The following AUTS2 variants were observed in gnomAD, a reference collection of about 807,000 sequenced individuals.
AUTS2 encodes autism susceptibility gene 2 protein.
AUTS2 carries 17 observed loss-of-function variants against 112.4 expected under a neutral mutation model. That is an observed-to-expected ratio of 0.15 (90% CI 0.10 to 0.23). AUTS2 has a LOEUF of 0.23. AUTS2 is among the 10% of genes least tolerant of loss of function. The probability of loss-of-function intolerance (pLI) is 1.00; values close to 1 mark genes in which losing one functional copy is unlikely to be tolerated. For missense variants in AUTS2, 1,510 were observed against 1,701.6 expected (o/e 0.89, Z 1.98); for synonymous variants, 751 against 702.7 (o/e 1.07, Z -1.09).
intron 4 of AUTS2, among the ~76,000 whole-genome samples, chr7:70,140,359 A>G (rs191269064): frequency 1.3e-5 from 2 of 152,336 alleles, no homozygotes; most frequent in Admixed American, 6.5e-5. Context: ...CATCTACATT[A>G]ACTACAGGTA....
At chr7:70,405,786 C>T (rs1585107692) in intron 4 of AUTS2, among the ~76,000 whole-genome samples, 1 of 152,178 alleles carries the variant, frequency 6.6e-6, no homozygotes, top group Non-Finnish European at 1.5e-5. Context: ...TGCCACATAC[C>T]CTTGCAATGT....
At chr7:69,699,518 G>A (rs970280800) in intron 1 of AUTS2, among the ~76,000 whole-genome samples, 4 of 151,664 alleles carry the variant, frequency 2.6e-5, no homozygotes, top group Admixed American at 6.6e-5. Context: ...GAGAGCTTCC[G>A]TATTCCTTTT....
chr7:70,679,358 T>C (rs1808088607), intron 5 of AUTS2, among the ~76,000 whole-genome samples: 1 of 152,216 alleles, frequency 6.6e-6, no homozygotes, highest in African/African-American at 2.4e-5. Context: ...GAGGTAGAAC[T>C]GGAGACAGCT....
intron 4 of AUTS2, among the ~76,000 whole-genome samples, chr7:70,299,133 A>G (rs1016658981): frequency 1.3e-5 from 2 of 152,236 alleles, no homozygotes; most frequent in African/African-American, 4.8e-5. Flanking sequence ...CTCTTTTCCA[A>G]ATAAAGATTG....
chr7:70,698,215 C>T (rs557399665), intron 5 of AUTS2, among the ~76,000 whole-genome samples: 7 of 152,212 alleles, frequency 4.6e-5, no homozygotes, highest in Admixed American at 3.3e-4. Flanking sequence ...GCAAATACCA[C>T]GAAAAACATA....
At chr7:70,284,414 C>G (rs923019039) in intron 4 of AUTS2, among the ~76,000 whole-genome samples, 3 of 152,124 alleles carry the variant, frequency 2.0e-5, no homozygotes, top group Non-Finnish European at 4.4e-5. Context: ...ATCAAAGGCT[C>G]TGTCTTCATG....
chr7:70,619,348 A>G (rs553835285), intron 5 of AUTS2, among the ~76,000 whole-genome samples: 63 of 152,260 alleles, frequency 4.1e-4, no homozygotes, highest in South Asian at 1.0e-3. Context: ...CTTTGCTGCC[A>G]GCAGGTTGCC....
intron 1 of AUTS2, among the ~76,000 whole-genome samples, chr7:69,818,491 C>T (rs17457848): frequency 0.081 from 12,371 of 152,098 alleles, 599 homozygotes; most frequent in East Asian, 0.13. Context: ...TGTGGCAGTT[C>T]GGGTTTATTA....
chr7:70,085,164 T>A (rs1803530626), intron 2 of AUTS2, among the ~76,000 whole-genome samples: 1 of 152,080 alleles, frequency 6.6e-6, no homozygotes. Flanking sequence ...TTGTGGTGAA[T>A]ATAATCTATC....
chr7:70,078,803 ATTGAAGAAT>A (rs1344843152), intron 2 of AUTS2, among the ~76,000 whole-genome samples: 2 of 152,228 alleles, frequency 1.3e-5, no homozygotes, highest in African/African-American at 4.8e-5. Context: ...AGACTTTGGT[ATTGAAGAAT>A]TTTGACTTTG....
At chr7:70,055,244 G>C (rs1801940365) in intron 2 of AUTS2, among the ~76,000 whole-genome samples, 1 of 152,144 alleles carries the variant, frequency 6.6e-6, no homozygotes, top group Non-Finnish European at 1.5e-5. Context: ...ACACCAGCCT[G>C]ACAAACATGG....
intron 6 of AUTS2, among the ~76,000 whole-genome samples, chr7:70,746,105 A>T (rs1421600742): frequency 6.6e-6 from 1 of 152,196 alleles, no homozygotes; most frequent in Non-Finnish European, 1.5e-5. Flanking sequence ...TCCTCAAAAA[A>T]GTTGTGTGTA....
At chr7:70,008,276 C>T (rs1799637086) in intron 2 of AUTS2, among the ~76,000 whole-genome samples, 1 of 151,834 alleles carries the variant, frequency 6.6e-6, no homozygotes, top group African/African-American at 2.4e-5. Context: ...ATGGTTTTTA[C>T]TATTTATAAC....
intron 4 of AUTS2, among the ~76,000 whole-genome samples, chr7:70,327,521 G>A (rs1345090052): frequency 2.6e-5 from 4 of 152,128 alleles, no homozygotes; most frequent in African/African-American, 4.8e-5. Flanking sequence ...ACATGGAAGG[G>A]GCTCTAGGTA....
intron 2 of AUTS2, among the ~76,000 whole-genome samples, chr7:70,110,390 C>T (rs1221348047): frequency 6.6e-6 from 1 of 152,072 alleles, no homozygotes; most frequent in Non-Finnish European, 1.5e-5. Context: ...GTGGTGGGCA[C>T]CTGTAATCTC....
intron 1 of AUTS2, among the ~76,000 whole-genome samples, chr7:69,877,513 C>T (rs1237046344): frequency 1.3e-5 from 2 of 151,992 alleles, no homozygotes; most frequent in Admixed American, 1.3e-4. Context: ...AGGGGTGTTA[C>T]CTGAGTATAC....
chr7:70,362,186 A>G (rs1038333926), intron 4 of AUTS2, among the ~76,000 whole-genome samples: 1 of 152,350 alleles, frequency 6.6e-6, no homozygotes, highest in Admixed American at 6.5e-5. Context: ...TTGGGTGTTT[A>G]CATGGATGAC....
intron 5 of AUTS2, among the ~76,000 whole-genome samples, chr7:70,560,811 A>G (rs1174469098): frequency 9.2e-5 from 14 of 152,210 alleles, no homozygotes; most frequent in African/African-American, 3.4e-4. Context: ...GAGGACTGAA[A>G]CAACGTGTAA....
intron 5 of AUTS2, among the ~76,000 whole-genome samples, chr7:70,574,355 G>A (rs577941555): frequency 3.3e-5 from 5 of 152,300 alleles, no homozygotes; most frequent in African/African-American, 1.2e-4. Flanking sequence ...ATGTGCCAAC[G>A]ATCTTTGAAT....
Sources: gnomAD v4.1 joint callset for allele counts (sites outside exome capture counted in the v4.1 genomes callset) on GRCh38, gnomAD v4.1.1 for gene constraint, MANE v1.5 for transcripts, NCBI Gene and HGNC (gene_info 2026-07-23, HGNC 2026-07-21) for gene names.